Variants in PRTG observed in about 807,000 individuals in gnomAD.
PRTG encodes immunoglobulin superfamily, DCC subclass, member 5.
A neutral mutation model predicts 122.5 loss-of-function variants in PRTG; 67 were observed. That is an observed-to-expected ratio of 0.55 (90% CI 0.45 to 0.67). The LOEUF (loss-of-function observed/expected upper bound fraction) is 0.67. PRTG is among the 30% of genes least tolerant of loss of function. The pLI, the probability that PRTG is intolerant of heterozygous loss-of-function variation, is 0.00. For missense variants in PRTG, 1,435 were observed against 1,415.4 expected, an observed-to-expected ratio of 1.01 and a Z score of -0.22; for synonymous variants, 554 against 501.1, an observed-to-expected ratio of 1.11 and a Z score of -1.41.
At chr15:55,731,128 T>C (rs557856130) in intron 2 of PRTG, among the ~76,000 whole-genome samples, 71 of 150,780 alleles carry the variant, frequency 4.7e-4, no homozygotes, top group African/African-American at 1.7e-3. Context: ...TTGTCTCTCT[T>C]TTATTTATTT....
Position 55,743,121 on chromosome 15 carries a change from A to G in PRTG, c.-190T>C. 1 of 1,274,776 alleles carries G rather than the reference A, an allele frequency of 7.8e-7. No individual in the cohort carries two copies. Among genetic ancestry groups the G allele is most frequent in the Non-Finnish European group, 9.9e-7 (1 of 1,015,090 alleles). 79.0% of individuals were successfully genotyped at this position (1,274,776 alleles called of 1,614,324 possible). On this transcript the variant is annotated 5_prime_UTR_variant, in exon 1 of 20. Transcript: ENST00000389286. ...GCTCGGACGGCCGCTCGCGAGAAGC[A>G]AGGGGCCTGAGAGTCCGGCTGGGGG...
chr15:55,701,607 C>T (rs117572622), intron 2 of PRTG, among the ~76,000 whole-genome samples: 11,418 of 152,240 alleles, frequency 0.075, 482 homozygotes, highest in Non-Finnish European at 0.1. Context: ...TAAAAACTTA[C>T]ATTCACACAA....
intron 11 of PRTG, among the ~76,000 whole-genome samples, chr15:55,652,382 T>C (rs150348526): frequency 1.3e-3 from 195 of 152,322 alleles, no homozygotes; most frequent in Middle Eastern, 3.4e-3. Flanking sequence ...ACCTAGTGTC[T>C]AGCCAAATGT....
chr15:55,678,349 C>G (rs541300635), intron 7 of PRTG, among the ~76,000 whole-genome samples: 1 of 152,230 alleles, frequency 6.6e-6, no homozygotes, highest in Admixed American at 6.5e-5. Flanking sequence ...TCAAATAATC[C>G]TCTCGCCCTC....
At chr15:55,703,828 T>G (rs2029980330) in intron 2 of PRTG, among the ~76,000 whole-genome samples, 1 of 152,238 alleles carries the variant, frequency 6.6e-6, no homozygotes, top group Non-Finnish European at 1.5e-5. Context: ...TGTGTTAGTT[T>G]AGGAGTAAAA....
intron 2 of PRTG, among the ~76,000 whole-genome samples, chr15:55,713,638 T>C (rs2030481438): frequency 6.6e-6 from 1 of 152,244 alleles, no homozygotes; most frequent in Admixed American, 6.5e-5. Flanking sequence ...GTAAAAATAG[T>C]ATCTTCTTTA....
intron 11 of PRTG, among the ~76,000 whole-genome samples, chr15:55,646,253 T>C (rs2059322439): frequency 2.7e-5 from 4 of 149,780 alleles, no homozygotes; most frequent in South Asian, 4.3e-4. Flanking sequence ...ACCTTGTGAT[T>C]CACCCGCCTT....
At chr15:55,714,625 T>C (rs1408283944) in intron 2 of PRTG, among the ~76,000 whole-genome samples, 1 of 152,010 alleles carries the variant, frequency 6.6e-6, no homozygotes, top group Non-Finnish European at 1.5e-5. Flanking sequence ...ATGCATCAAA[T>C]AAGCTCAAAG....
chr15:55,691,273 G>T (rs1000016587), intron 2 of PRTG, among the ~76,000 whole-genome samples: 5 of 136,120 alleles, frequency 3.7e-5, no homozygotes, highest in African/African-American at 1.4e-4. Flanking sequence ...TCCAGCCTGG[G>T]AAACAAGAGT....
At chr15:55,736,587 T>A (rs2141892050) in intron 2 of PRTG, among the ~76,000 whole-genome samples, 1 of 152,246 alleles carries the variant, frequency 6.6e-6, no homozygotes, top group East Asian at 1.9e-4. Flanking sequence ...CCTATACCCT[T>A]TTAATGGAAA....
At chr15:55,640,182 T>C (rs1029689812) in intron 12 of PRTG, among the ~76,000 whole-genome samples, 1 of 152,168 alleles carries the variant, frequency 6.6e-6, no homozygotes, top group South Asian at 2.1e-4. Flanking sequence ...CTATCACCCA[T>C]AGGCTATAAA....
intron 15 of PRTG, among the ~76,000 whole-genome samples, chr15:55,631,739 A>T (rs1030174679): frequency 1.3e-5 from 2 of 152,196 alleles, no homozygotes; most frequent in African/African-American, 4.8e-5. Flanking sequence ...CCAAGCGAGC[A>T]ATTTCTAACT....
At chr15:55,684,644 G>T (rs2059560236) in intron 2 of PRTG, among the ~76,000 whole-genome samples, 1 of 152,176 alleles carries the variant, frequency 6.6e-6, no homozygotes, top group Non-Finnish European at 1.5e-5. Context: ...GAATAAAGGA[G>T]TCTCAAGTCA....
chr15:55,679,544 G>T, intron 6 of PRTG, 99 bp from the exon 7 acceptor site: 1 of 834,460 alleles, frequency 1.2e-6, no homozygotes. Flanking sequence ...CCCCATTCCT[G>T]AAGATGCCTG....
intron 2 of PRTG, among the ~76,000 whole-genome samples, chr15:55,724,527 T>C (rs1814693111): frequency 6.6e-6 from 1 of 152,022 alleles, no homozygotes; most frequent in Admixed American, 6.6e-5. Context: ...AGCATGGGCA[T>C]ACCTCTTGAG....
intron 2 of PRTG, among the ~76,000 whole-genome samples, chr15:55,730,726 G>A (rs910666011): frequency 6.6e-5 from 10 of 152,074 alleles, no homozygotes; most frequent in Admixed American, 2.0e-4. Context: ...CATGCACCCG[G>A]GAGGCGGAGC....
intron 2 of PRTG, among the ~76,000 whole-genome samples, chr15:55,715,425 T>C (rs183346782): frequency 1.3e-5 from 2 of 152,346 alleles, no homozygotes; most frequent in Admixed American, 1.3e-4. Context: ...ATACTCTTAA[T>C]GAAGAATCAG....
Position 55,738,526 on chromosome 15 carries a change from C to T in PRTG, c.397+1856G>A, listed in dbSNP as rs553486151. ...TGAAAGATAAGATAAGTTACAGTTC[C>T]TGAAGATGAAAACACAGGATTCTAC... On this transcript the variant is annotated intron_variant, in intron 2 of 19. Transcript: ENST00000389286. The T allele has an allele frequency of 8.6e-6, 6 of 701,466 alleles. No homozygotes were observed. The South Asian group carries it at 8.9e-5, about 10-fold the overall frequency. 43.5% of individuals were successfully genotyped at this position (701,466 alleles called of 1,614,324 possible).
chr15:55,650,373 AG>A (rs2059347025), intron 11 of PRTG, among the ~76,000 whole-genome samples: 1 of 152,208 alleles, frequency 6.6e-6, no homozygotes, highest in African/African-American at 2.4e-5. Flanking sequence ...GGCTTCACAG[AG>A]GAGGTGGCAT....
Sources: allele counts gnomAD v4.1 joint callset (sites outside exome capture counted in the v4.1 genomes callset), GRCh38; gene constraint gnomAD v4.1.1; transcripts MANE v1.5; gene names NCBI Gene and HGNC (gene_info 2026-07-23, HGNC 2026-07-21).